The following ATP6V0E1 variants were observed in gnomAD, a reference collection of about 807,000 sequenced individuals.
ATP6V0E1 encodes ATPase H+ transporting V0 subunit e1.
A neutral mutation model predicts 11.6 loss-of-function variants in ATP6V0E1; 4 were observed. The ratio of observed to expected loss-of-function variants is 0.35; its 90% CI spans 0.17 to 0.79. The LOEUF is 0.79. Ranked by LOEUF, ATP6V0E1 falls within the 30% of genes least tolerant of loss-of-function variation. ATP6V0E1 has a pLI of 0.54. For synonymous variants in ATP6V0E1, 36 were observed against 34.8 expected (o/e 1.04, Z -0.13); for missense variants, 105 against 100.0 (o/e 1.05, Z -0.21).
rs562160275 is a variant in ATP6V0E1 at position 173,005,820 on chromosome 5, A to T, written c.152+10998A>T. On this transcript the variant is annotated intron_variant, in intron 2 of 3. Transcript: ENST00000519374. Reference sequence around the variant, plus strand: ...TGTATTTTCATTTTACTCCATTTGAAATATTTTCTAATTTCTTTTGTAATT... The same window carrying T: ...TGTATTTTCATTTTACTCCATTTGATATATTTTCTAATTTCTTTTGTAATT... Among the ~76,000 whole-genome samples, 170 of 152,192 alleles carry T rather than the reference A, an allele frequency of 1.1e-3. 1 individual carries two copies. Among genetic ancestry groups the T allele is most frequent in the Non-Finnish European group, 2.1e-3 (140 of 68,028 alleles).
chr5:173,034,305 T>C, intron 3 of ATP6V0E1, 94 bp from the exon 4 acceptor site: 1 of 690,774 alleles, frequency 1.4e-6, no homozygotes, highest in Non-Finnish European at 2.7e-6. Flanking sequence ...CTGTGCATTT[T>C]AAAGTGTTGG....
rs1365672376 is a variant in ATP6V0E1 at position 172,983,846 on chromosome 5, G to A, written c.-15G>A. ...GTGAGGCGACGGGGTAGGGGTTGGC[G>A]CTCAGGCGGCGACCATGGCGTATCA... is the stretch of plus-strand genomic sequence containing the variant. On this transcript the variant is annotated 5_prime_UTR_variant, in exon 1 of 4. Transcript: ENST00000519374. 4 of 1,612,602 alleles carry A rather than the reference G, an allele frequency of 2.5e-6. No individual in the cohort carries two copies. Among genetic ancestry groups the A allele is most frequent in the Admixed American group, 1.7e-5 (1 of 60,020 alleles).
chr5:172,994,633 A>G, intron 1 of ATP6V0E1, 142 bp from the exon 2 acceptor site: 2 of 656,934 alleles, frequency 3.0e-6, no homozygotes, highest in East Asian at 2.8e-5. Context: ...AGTTTGCTGG[A>G]TATTTGAGCA....
intron 2 of ATP6V0E1, among the ~76,000 whole-genome samples, chr5:172,996,816 A>C (rs940303092): frequency 1.3e-5 from 2 of 152,160 alleles, no homozygotes; most frequent in Non-Finnish European, 2.9e-5. Context: ...TTCCCCACAT[A>C]CTCTGAACCT....
chr5:173,032,900 A>T (rs1226889648), intron 3 of ATP6V0E1, among the ~76,000 whole-genome samples: 1 of 152,192 alleles, frequency 6.6e-6, no homozygotes, highest in Non-Finnish European at 1.5e-5. Flanking sequence ...GTTTGAGACC[A>T]GCCTGGGCAA....
chr5:172,993,000 A>G (rs1288522555), intron 1 of ATP6V0E1, among the ~76,000 whole-genome samples: 8 of 151,432 alleles, frequency 5.3e-5, no homozygotes, highest in Non-Finnish European at 1.2e-4. Context: ...GGGTTTCATC[A>G]TATTGGTCAG....
At chr5:172,984,294 T>C (rs1435681716) in intron 1 of ATP6V0E1, among the ~76,000 whole-genome samples, 1 of 152,226 alleles carries the variant, frequency 6.6e-6, no homozygotes, top group Non-Finnish European at 1.5e-5. Context: ...TTGTCCCTAG[T>C]CGACTGTCCC....
rs1431349287 is a variant in ATP6V0E1, at chr5:173,034,614, G to A, written c.*252G>A. On this transcript the variant is annotated 3_prime_UTR_variant, in exon 4 of 4. Coordinates refer to ENST00000519374, the MANE Select transcript of ATP6V0E1 (RefSeq NM_003945.4). ...TGTGCCGACTCCACAAAACGATTAT[G>A]TACTCTTCTGAGATAGAAGATGCTG... 6 of 591,604 alleles carry A rather than the reference G, an allele frequency of 1.0e-5. No individual in the cohort carries two copies. The highest frequency in any genetic ancestry group is 1.8e-5 in the Non-Finnish European group (6 of 326,542). The allele number at this position is 591,604 out of a possible 1,614,324, so 36.6% of individuals were successfully genotyped here.
intron 3 of ATP6V0E1, among the ~76,000 whole-genome samples, chr5:173,024,501 C>G (rs1455396252): frequency 3.3e-5 from 5 of 151,838 alleles, no homozygotes; most frequent in African/African-American, 1.2e-4. Flanking sequence ...TCAAAATGTC[C>G]AGGCCCCTCT....
intron 3 of ATP6V0E1, among the ~76,000 whole-genome samples, chr5:173,025,671 T>C (rs1211529208): frequency 6.6e-6 from 1 of 151,582 alleles, no homozygotes; most frequent in African/African-American, 2.4e-5. Flanking sequence ...ATTTTTTGTA[T>C]TTTTGGTAGA....
intron 3 of ATP6V0E1, among the ~76,000 whole-genome samples, chr5:173,030,901 A>G (rs1581638235): frequency 1.3e-5 from 2 of 151,524 alleles, no homozygotes; most frequent in East Asian, 3.9e-4. Context: ...GGCATGCACC[A>G]CCATGCTTGG....
At chr5:172,999,930 G>C (rs930766915) in intron 2 of ATP6V0E1, among the ~76,000 whole-genome samples, 39 of 152,060 alleles carry the variant, frequency 2.6e-4, no homozygotes, top group African/African-American at 9.4e-4. Context: ...TGAAAAATGT[G>C]GACGGAATTC....
At chr5:173,006,403 GATCGAGACC>G (rs150062117) in intron 2 of ATP6V0E1, among the ~76,000 whole-genome samples, 3,193 of 152,268 alleles carry the variant, frequency 0.021, 103 homozygotes, top group African/African-American at 0.071. Context: ...GAGGTCAGGA[GATCGAGACC>G]ATCCTGGCTA....
At chr5:173,028,041 G>A (rs1239421369) in intron 3 of ATP6V0E1, among the ~76,000 whole-genome samples, 5 of 151,996 alleles carry the variant, frequency 3.3e-5, no homozygotes, top group Non-Finnish European at 5.9e-5. Flanking sequence ...TCTGTCAACC[G>A]GATTGACAGA....
chr5:173,008,637 C>T (rs781180163), intron 2 of ATP6V0E1, among the ~76,000 whole-genome samples: 9 of 143,810 alleles, frequency 6.3e-5, no homozygotes, highest in African/African-American at 1.7e-4. Context: ...GGGCTGGGCG[C>T]GGTGGCTCAC....
chr5:173,027,370 C>CTGACAT (rs1554120011), intron 3 of ATP6V0E1, among the ~76,000 whole-genome samples: 1 of 147,810 alleles, frequency 6.8e-6, no homozygotes, highest in South Asian at 2.1e-4. Context: ...GACATGGTGG[C>CTGACAT]GGGTGCCTGT....
At chr5:172,984,443 C>A (rs951257938) in intron 1 of ATP6V0E1, among the ~76,000 whole-genome samples, 1 of 152,210 alleles carries the variant, frequency 6.6e-6, no homozygotes, top group Admixed American at 6.5e-5. Flanking sequence ...CAACATTGAG[C>A]CCAGGCCTTG....
intron 2 of ATP6V0E1, among the ~76,000 whole-genome samples, chr5:173,008,302 C>CTTTTTTTTTTT (rs1219833765): frequency 1.5e-5 from 2 of 132,518 alleles, no homozygotes; most frequent in Non-Finnish European, 3.3e-5. Flanking sequence ...CTTTTCTTTT[C>CTTTTTTTTTTT]TTTTTTTTTT....
At chr5:173,017,360 C>T (rs936261255) in intron 2 of ATP6V0E1, among the ~76,000 whole-genome samples, 19 of 150,940 alleles carry the variant, frequency 1.3e-4, no homozygotes, top group African/African-American at 4.4e-4. Context: ...ATGGTGAAAC[C>T]CCATCTTTAC....
Sources: allele counts gnomAD v4.1 joint callset (sites outside exome capture counted in the v4.1 genomes callset), GRCh38; gene constraint gnomAD v4.1.1; transcripts MANE v1.5; gene names NCBI Gene and HGNC (gene_info 2026-07-23, HGNC 2026-07-21).